The following LDHC variants were observed in gnomAD, a reference collection of about 807,000 sequenced individuals.
LDHC encodes lactate dehydrogenase C.
Under a neutral mutation model 30.2 loss-of-function variants are expected in LDHC, and 20 were observed. That is an observed-to-expected ratio of 0.66 (90% CI 0.47 to 0.96). The LOEUF (loss-of-function observed/expected upper bound fraction) is 0.96, where lower values mean the gene tolerates loss of function less well. Among genes scored for constraint, LDHC ranks in the 40% least tolerant of loss-of-function variants. LDHC has a pLI of 0.00. For missense variants in LDHC, 362 were observed against 394.9 expected, an observed-to-expected ratio of 0.92 and a Z score of 0.71; for synonymous variants, 139 against 132.7, an observed-to-expected ratio of 1.05 and a Z score of -0.32.
rs763456464 is a variant in LDHC at position 18,451,175 on chromosome 11, G to C, written c.*48G>C. ...CTGTTTGGAGAACAGAAGATAGCAG[G>C]CTGTGTATTTTAAATTTTGAAAGTA... On this transcript the variant is annotated 3_prime_UTR_variant, in exon 8 of 8. Transcript: ENST00000541669. 12 of 1,193,612 alleles carry C rather than the reference G, an allele frequency of 1.0e-5. No individual in the cohort carries two copies. The African/African-American group carries it at 1.8e-4, about 17-fold the overall frequency. 73.9% of individuals were successfully genotyped at this position (1,193,612 alleles called of 1,614,324 possible). A position where few individuals can be genotyped will look rare whatever the true frequency, so the allele number is the denominator to read the frequency against.
At chr11:18,421,184 G>A (rs188753119) in intron 3 of LDHC, among the ~76,000 whole-genome samples, 1 of 152,114 alleles carries the variant, frequency 6.6e-6, no homozygotes, top group African/African-American at 2.4e-5. Context: ...CTCTCGAGTA[G>A]CTGAAATTAC....
At chr11:18,440,005 AT>A (rs1460615421) in intron 6 of LDHC, among the ~76,000 whole-genome samples, 3 of 151,262 alleles carry the variant, frequency 2.0e-5, no homozygotes, top group Admixed American at 1.3e-4. Context: ...AAAAAGATAA[AT>A]AAATAAAATA....
intron 3 of LDHC, among the ~76,000 whole-genome samples, chr11:18,420,894 G>T (rs1848034412): frequency 1.3e-5 from 2 of 152,012 alleles, no homozygotes; most frequent in African/African-American, 4.8e-5. Context: ...AAAAATTTTT[G>T]AATATAGCAT....
intron 3 of LDHC, among the ~76,000 whole-genome samples, chr11:18,423,874 T>C (rs1186020325): frequency 6.6e-6 from 1 of 151,878 alleles, no homozygotes; most frequent in South Asian, 2.1e-4. Context: ...AATAGAAAAA[T>C]GAGAAAAGCC....
intron 6 of LDHC, among the ~76,000 whole-genome samples, chr11:18,440,540 T>C (rs969672754): frequency 6.6e-6 from 1 of 152,112 alleles, no homozygotes; most frequent in Non-Finnish European, 1.5e-5. Context: ...TGAAAACATT[T>C]GAGAGAGGAT....
intron 6 of LDHC, among the ~76,000 whole-genome samples, chr11:18,439,811 TAAAA>T (rs71047596): frequency 6.2e-5 from 4 of 64,192 alleles, no homozygotes; most frequent in Non-Finnish European, 8.2e-5. Flanking sequence ...CCGTCTCTAC[TAAAA>T]AAAAAAAAAA....
intron 7 of LDHC, among the ~76,000 whole-genome samples, chr11:18,448,999 T>C (rs1043097333): frequency 3.3e-5 from 5 of 152,064 alleles, no homozygotes; most frequent in African/African-American, 1.2e-4. Flanking sequence ...TCAGATGGCA[T>C]GATGGGTGGA....
intron 7 of LDHC, among the ~76,000 whole-genome samples, chr11:18,448,575 G>A (rs1026942877): frequency 3.3e-5 from 5 of 152,120 alleles, no homozygotes; most frequent in Admixed American, 6.5e-5. Flanking sequence ...GAGCCACCGC[G>A]CCCTGCTGAG....
intron 6 of LDHC, among the ~76,000 whole-genome samples, chr11:18,443,850 T>C (rs563393502): frequency 6.6e-6 from 1 of 152,354 alleles, no homozygotes; most frequent in South Asian, 2.1e-4. Context: ...GAATACCAAA[T>C]ATTCCAATGT....
chr11:18,442,113 T>C (rs1460286339), intron 6 of LDHC, among the ~76,000 whole-genome samples: 2 of 152,130 alleles, frequency 1.3e-5, no homozygotes, highest in Non-Finnish European at 2.9e-5. Flanking sequence ...CAACAGTTCT[T>C]AATGCACTTC....
At chr11:18,441,152 A>G (rs116737133) in intron 6 of LDHC, among the ~76,000 whole-genome samples, 3,315 of 151,946 alleles carry the variant, frequency 0.022, 113 homozygotes, top group African/African-American at 0.075. Context: ...AACAACAACA[A>G]CAATATTAAA....
At chr11:18,443,041 A>G (rs1305994229) in intron 6 of LDHC, among the ~76,000 whole-genome samples, 1 of 152,204 alleles carries the variant, frequency 6.6e-6, no homozygotes, top group African/African-American at 2.4e-5. Flanking sequence ...AATATCTTTT[A>G]CTTTGAAAAT....
intron 7 of LDHC, among the ~76,000 whole-genome samples, chr11:18,448,629 G>C (rs980881518): frequency 1.6e-4 from 24 of 152,142 alleles, no homozygotes; most frequent in Non-Finnish European, 3.2e-4. Flanking sequence ...GTTACAAGCA[G>C]AGTCATTTGT....
intron 3 of LDHC, 25 bp from the exon 4 acceptor site, chr11:18,429,712 A>G: frequency 6.9e-7 from 1 of 1,450,106 alleles, no homozygotes; most frequent in Non-Finnish European, 9.6e-7. Flanking sequence ...GTTGATCCAA[A>G]TATAGTATTT....
chr11:18,447,548 G>A (rs1848576157), intron 7 of LDHC, among the ~76,000 whole-genome samples: 1 of 152,120 alleles, frequency 6.6e-6, no homozygotes, highest in African/African-American at 2.4e-5. Flanking sequence ...GGGAATTTTG[G>A]TTGGATTATT....
chr11:18,446,376 T>A (rs1565058553), intron 7 of LDHC, 43 bp downstream of exon 7: 1 of 1,395,052 alleles, frequency 7.2e-7, no homozygotes, highest in East Asian at 2.3e-5. Context: ...TTTCCTTTAA[T>A]ATTTATTGGG....
chr11:18,429,623 A>C (rs567189199), intron 3 of LDHC, 114 bp from the exon 4 acceptor site: 73 of 489,046 alleles, frequency 1.5e-4, no homozygotes, highest in African/African-American at 1.3e-3. Context: ...CCAGACATAA[A>C]GGTACATGGA....
intron 6 of LDHC, among the ~76,000 whole-genome samples, chr11:18,444,604 G>GTATATGTATATA (rs1848519311): frequency 1.1e-5 from 1 of 89,308 alleles, no homozygotes; most frequent in Non-Finnish European, 2.5e-5. Flanking sequence ...TGTTCAGGTG[G>GTATATGTATATA]TATATATATA....
chr11:18,437,030 T>G (rs1848367912), intron 5 of LDHC, among the ~76,000 whole-genome samples: 1 of 152,202 alleles, frequency 6.6e-6, no homozygotes. Context: ...TTCCCCTGGA[T>G]TCAATTTATT....
Sources: gnomAD v4.1 joint callset for allele counts (sites outside exome capture counted in the v4.1 genomes callset) on GRCh38, gnomAD v4.1.1 for gene constraint, MANE v1.5 for transcripts, NCBI Gene and HGNC (gene_info 2026-07-23, HGNC 2026-07-21) for gene names.